The following WDTC1 variants were observed in gnomAD, a reference collection of about 807,000 sequenced individuals.
WDTC1 encodes WD and tetratricopeptide repeats protein 1.
Under a neutral mutation model 76.0 loss-of-function variants are expected in WDTC1, and 12 were observed. The observed-to-expected ratio is 0.16, with a 90% CI of 0.10 to 0.26. The LOEUF is 0.26. Among genes scored for constraint, WDTC1 ranks in the 10% least tolerant of loss-of-function variants. The probability of loss-of-function intolerance (pLI) is 1.00; values close to 1 mark genes in which losing one functional copy is unlikely to be tolerated. For synonymous variants in WDTC1, 326 were observed against 350.8 expected (o/e 0.93, Z 0.79); for missense variants, 511 against 908.8 (o/e 0.56, Z 5.63).
chr1:27,280,453 A>G (rs1383216273), intron 3 of WDTC1, among the ~76,000 whole-genome samples: 3 of 152,238 alleles, frequency 2.0e-5, no homozygotes, highest in Non-Finnish European at 2.9e-5. Context: ...ACCTTAATAC[A>G]TGGTAATAAG....
intron 1 of WDTC1, among the ~76,000 whole-genome samples, chr1:27,254,493 G>A (rs978668866): frequency 1.3e-5 from 2 of 151,978 alleles, no homozygotes; most frequent in African/African-American, 4.8e-5. Flanking sequence ...CAGCTACTTG[G>A]GAGGCTGAGG....
At chr1:27,235,828 G>A (rs1023440754) in intron 1 of WDTC1, among the ~76,000 whole-genome samples, 3 of 152,052 alleles carry the variant, frequency 2.0e-5, no homozygotes, top group African/African-American at 7.2e-5. Context: ...ACCTCCTGAA[G>A]TACTGGTAGA....
At position 27,301,077 on chromosome 1, in the gene WDTC1, A is replaced by C. The variant is rs546723196; in HGVS notation, c.1233-149A>C. The C allele has an allele frequency of 1.4e-6, 1 of 696,222 alleles. No homozygotes were observed. Among genetic ancestry groups the C allele is most frequent in the South Asian group, 1.7e-5 (1 of 57,144 alleles). The allele number at this position is 696,222 out of a possible 1,614,324, so 43.1% of individuals were successfully genotyped here. On this transcript the variant is annotated intron_variant, in intron 12 of 15. Transcript: ENST00000319394. This position sits in a 1 kb window ranked among gnomAD's most constrained non-coding sequence, Gnocchi z 5.8. ...CTCCTGATGGGGGAGGCCTGGGCTGAGCCAGGATTCTCTTCGTCCTCAAGT... is the reference window on the plus strand; with the variant it reads ...CTCCTGATGGGGGAGGCCTGGGCTGCGCCAGGATTCTCTTCGTCCTCAAGT...
At chr1:27,262,181 T>C (rs562925806) in intron 2 of WDTC1, among the ~76,000 whole-genome samples, 3 of 152,030 alleles carry the variant, frequency 2.0e-5, no homozygotes, top group African/African-American at 7.2e-5. Flanking sequence ...ACCCACCTTG[T>C]CCTCCCAAAG....
intron 2 of WDTC1, among the ~76,000 whole-genome samples, chr1:27,261,792 C>A (rs1330629488): frequency 1.3e-5 from 2 of 152,156 alleles, no homozygotes; most frequent in Non-Finnish European, 2.9e-5. Context: ...AGTCATTTTA[C>A]CTCCTGTGCC....
chr1:27,268,273 C>T (rs772375344), intron 3 of WDTC1, among the ~76,000 whole-genome samples: 5 of 151,982 alleles, frequency 3.3e-5, no homozygotes, highest in Admixed American at 6.6e-5. Context: ...AGACCCCTGT[C>T]TCTATACCAT....
intron 1 of WDTC1, among the ~76,000 whole-genome samples, chr1:27,254,892 G>T (rs529654986): frequency 3.3e-5 from 5 of 151,866 alleles, no homozygotes; most frequent in Non-Finnish European, 7.4e-5. Context: ...CTCCCAAAGT[G>T]CTGGGATTAC....
At chr1:27,296,919 G>T in intron 10 of WDTC1, 129 bp from the exon 11 acceptor site, 1 of 776,420 alleles carries the variant, frequency 1.3e-6, no homozygotes, top group Non-Finnish European at 2.1e-6. Context: ...TCTGGGAATG[G>T]ATCTTACTCT....
At chr1:27,277,478 T>G (rs1405677034) in intron 3 of WDTC1, among the ~76,000 whole-genome samples, 1 of 152,122 alleles carries the variant, frequency 6.6e-6, no homozygotes, top group Admixed American at 6.5e-5. Flanking sequence ...CTTTTTTTTT[T>G]AAGAGACGGA....
Position 27,294,521 on chromosome 1 carries a change from G to T in WDTC1, c.765G>T (p.Leu255=). 1 of 1,614,176 alleles carries T rather than the reference G, an allele frequency of 6.2e-7. No homozygotes were observed. Among genetic ancestry groups the T allele is most frequent in the Non-Finnish European group, 8.5e-7 (1 of 1,179,992 alleles). Residue 255 remains leucine, a synonymous_variant, in exon 9 of 16, where the codon CTG becomes CTT. Coordinates refer to ENST00000319394, the MANE Select transcript of WDTC1 (RefSeq NM_001276252.2). ...CTGGGCTATTCCCTGCAGGTCACCT[G>T]CCAGTGAAGCTTCCTGACTACAACA... ...GAAQYYVAGH[L]PVKLPDYNNR...
chr1:27,247,877 C>A (rs759751459), intron 1 of WDTC1, among the ~76,000 whole-genome samples: 1 of 152,084 alleles, frequency 6.6e-6, no homozygotes, highest in Non-Finnish European at 1.5e-5. Flanking sequence ...TGACACCATG[C>A]CTGCCTAATT....
rs1201270825 is a variant in WDTC1 at position 27,297,886 on chromosome 1, G to A, written c.1059-52G>A. On this transcript the variant is annotated intron_variant, in intron 11 of 15. Coordinates refer to ENST00000319394, the MANE Select transcript of WDTC1 (RefSeq NM_001276252.2). ...AGGCCATGTTACAGACTCCCTGAGG[G>A]GCTGCTCTGACCTTCTTTGACTGTT... 3.3e-6 allele frequency: 5 copies of A among 1,534,262 alleles called. No homozygotes were observed. In the Admixed American group the frequency reaches 5.8e-5, roughly 18 times the overall value.
intron 5 of WDTC1, among the ~76,000 whole-genome samples, chr1:27,286,903 C>G (rs562840132): frequency 6.6e-6 from 1 of 152,036 alleles, no homozygotes; most frequent in Admixed American, 6.5e-5. Flanking sequence ...TGGCTCATGC[C>G]TACAATCCCA....
intron 1 of WDTC1, among the ~76,000 whole-genome samples, chr1:27,256,249 C>A (rs540633403): frequency 1.3e-5 from 2 of 152,160 alleles, no homozygotes; most frequent in Non-Finnish European, 2.9e-5. Context: ...TTAATGGCCA[C>A]TGTGGCCACC....
intron 3 of WDTC1, among the ~76,000 whole-genome samples, chr1:27,273,309 C>T (rs947640110): frequency 8.9e-5 from 13 of 146,684 alleles, no homozygotes; most frequent in African/African-American, 3.2e-4. Context: ...CCCAGGTTCA[C>T]GCCATTCTCC....
At chr1:27,260,044 AAAG>A (rs1004718906) in intron 1 of WDTC1, among the ~76,000 whole-genome samples, 1 of 152,068 alleles carries the variant, frequency 6.6e-6, no homozygotes, top group Non-Finnish European at 1.5e-5. Context: ...CTCAGGAAAA[AAAG>A]AGTAGTGAGA....
chr1:27,270,847 A>T (rs947456526), intron 3 of WDTC1, among the ~76,000 whole-genome samples: 1 of 152,224 alleles, frequency 6.6e-6, no homozygotes, highest in African/African-American at 2.4e-5. Context: ...CAATGCATGA[A>T]TGTGCCTGTT....
chr1:27,240,071 A>G (rs2011584932), intron 1 of WDTC1, among the ~76,000 whole-genome samples: 1 of 151,876 alleles, frequency 6.6e-6, no homozygotes, highest in African/African-American at 2.4e-5. Context: ...GTATTTTTTT[A>G]GTAGAGATGG....
chr1:27,264,452 TAA>T (rs553213081), intron 3 of WDTC1, among the ~76,000 whole-genome samples: 1 of 146,290 alleles, frequency 6.8e-6, no homozygotes, highest in Non-Finnish European at 1.5e-5. Flanking sequence ...ATAAAATGTT[TAA>T]AAAAAAAAAC....
Sources: gnomAD v4.1 joint callset for allele counts (sites outside exome capture counted in the v4.1 genomes callset) on GRCh38, gnomAD v4.1.1 for gene constraint, Gnocchi (gnomAD v3.1) non-coding constraint, MANE v1.5 for transcripts, NCBI Gene and HGNC (gene_info 2026-07-23, HGNC 2026-07-21) for gene names.